KRT80: variants seen among roughly 807,000 people sequenced by gnomAD.
KRT80 encodes the protein keratin 80.
In KRT80, 36 loss-of-function variants were observed where a neutral mutation model predicts 51.5. The ratio of observed to expected loss-of-function variants is 0.70; its 90% CI spans 0.54 to 0.92. The LOEUF (loss-of-function observed/expected upper bound fraction) is 0.92, where lower values mean the gene tolerates loss of function less well. KRT80 is among the 40% of genes least tolerant of loss of function. The pLI is 0.00. For missense variants in KRT80, 566 were observed against 591.7 expected (o/e 0.96, Z 0.45); for synonymous variants, 235 against 248.3 (o/e 0.95, Z 0.50).
intron 3 of KRT80, 101 bp from the exon 4 acceptor site, chr12:52,180,709 C>T (rs1215536786): frequency 6.2e-7 from 1 of 1,602,580 alleles, no homozygotes; most frequent in Non-Finnish European, 8.5e-7. Flanking sequence ...GGGGGTGATT[C>T]CAGAGGAGAT....
At chr12:52,171,619 C>T (rs2120863122) in intron 8 of KRT80, 39 bp downstream of exon 8, 1 of 1,602,358 alleles carries the variant, frequency 6.2e-7, no homozygotes, top group Non-Finnish European at 8.5e-7. Context: ...ACACCCTCAC[C>T]CTCACCCCAC....
chr12:52,173,719 C>A lies in KRT80; in HGVS notation c.712G>T (p.Val238Phe), dbSNP rs35725856. The A allele has an allele frequency of 9.3e-6, 15 of 1,612,312 alleles. No individual in the cohort carries two copies. The South Asian group carries it at 1.1e-4, about 12-fold the overall frequency. ...AAQVKDVSVT[V>F]GMDSRCHIDL... Reference sequence around the variant, plus strand: ...ATGTGGCAGCGGCTGTCCATGCCGACGGTCACCGACACATCCTTCACCTGT... The same window carrying A: ...ATGTGGCAGCGGCTGTCCATGCCGAAGGTCACCGACACATCCTTCACCTGT... Residue 238 changes from valine (V) to phenylalanine (F), a missense_variant, in exon 5 of 9, where the codon GTC (valine) becomes TTC (phenylalanine). Val to Phe is a conservative substitution (Grantham distance 50, BLOSUM62 -1). Transcript: ENST00000394815.
At position 52,169,614 on chromosome 12, in the gene KRT80, G is replaced by A. The variant is rs1005419262; in HGVS notation, c.*1784C>T. On this transcript the variant is annotated 3_prime_UTR_variant, in exon 9 of 9. Transcript: ENST00000394815. ...GATAGCCAATCAGGTGAGGTGGCTG[G>A]AGTATGTGTTATCTTTCCAGATAGT... The A allele has an allele frequency of 1.3e-5, 2 of 152,658 alleles. No individual in the cohort carries two copies. Among genetic ancestry groups the A allele is most frequent in the African/African-American group, 4.8e-5 (2 of 41,446 alleles). 9.5% of individuals were successfully genotyped at this position (152,658 alleles called of 1,614,324 possible). A position where few individuals can be genotyped will look rare whatever the true frequency, so the allele number is the denominator to read the frequency against.
At position 52,174,737 on chromosome 12, in the gene KRT80, A is replaced by T. The variant is rs539413737; in HGVS notation, c.667-973T>A. On this transcript the variant is annotated intron_variant, in intron 4 of 8. Transcript: ENST00000394815. The stretch of plus-strand genomic sequence containing the variant: ...TGTGACGCTCCCTTAGCGGATGGAG[A>T]CAAGGGGCTGACACCTTCTTCATTG... Among the ~76,000 whole-genome samples, 4 of 152,302 alleles carry T rather than the reference A, an allele frequency of 2.6e-5. No homozygotes were observed. The South Asian group carries it at 8.3e-4, about 32-fold the overall frequency.
intron 1 of KRT80, among the ~76,000 whole-genome samples, chr12:52,186,079 G>C (rs1941400044): frequency 6.6e-6 from 1 of 152,088 alleles, no homozygotes; most frequent in African/African-American, 2.4e-5. Flanking sequence ...CTGAACCTCA[G>C]TTTCCCCAGC....
chr12:52,186,749 G>A (rs1454498271), intron 1 of KRT80, among the ~76,000 whole-genome samples: 2 of 152,128 alleles, frequency 1.3e-5, no homozygotes, highest in Admixed American at 1.3e-4. Flanking sequence ...GTGAAACCCT[G>A]GGAGGGCTCT....
rs1181163588 is a variant in KRT80, at chr12:52,169,290, T to C, written c.*2108A>G. 6.6e-6 allele frequency: 1 copy of C among 152,204 alleles called. No homozygotes were observed. Among genetic ancestry groups the C allele is most frequent in the Non-Finnish European group, 1.5e-5 (1 of 68,036 alleles). The allele number at this position is 152,204 out of a possible 1,614,324, so 9.4% of individuals were successfully genotyped here. A position where few individuals can be genotyped will look rare whatever the true frequency, so the allele number is the denominator to read the frequency against. On this transcript the variant is annotated 3_prime_UTR_variant, in exon 9 of 9. Coordinates refer to ENST00000394815, the MANE Select transcript of KRT80 (RefSeq NM_182507.3). ...CCAAATACTTCCCACCAGGCTCCAC[T>C]TCCAACACTGGGAATTACATTTCAA...
intron 2 of KRT80, among the ~76,000 whole-genome samples, chr12:52,183,980 G>T (rs746077276): frequency 9.2e-5 from 14 of 152,192 alleles, no homozygotes; most frequent in Non-Finnish European, 2.1e-4. Context: ...GCCCGGTCAT[G>T]GTCAGGTACT....
chr12:52,177,175 C>A (rs952382504), intron 4 of KRT80, among the ~76,000 whole-genome samples: 6 of 152,190 alleles, frequency 3.9e-5, no homozygotes, highest in Admixed American at 2.0e-4. Flanking sequence ...AAACACTTAG[C>A]ACAGTGTCTG....
chr12:52,169,024 G>T lies in KRT80; in HGVS notation c.*2374C>A. ...TTTATAAAGAAAAGACATTTATTTT[G>T]GCTCACAATTCTGCAGGCTGTACTG... On this transcript the variant is annotated 3_prime_UTR_variant, in exon 9 of 9. Coordinates refer to ENST00000394815, the MANE Select transcript of KRT80 (RefSeq NM_182507.3). 1 of 152,326 alleles carries T rather than the reference G, an allele frequency of 6.6e-6. No homozygotes were observed. Among genetic ancestry groups the T allele is most frequent in the Non-Finnish European group, 1.5e-5 (1 of 68,092 alleles). The allele number at this position is 152,326 out of a possible 1,614,324, so 9.4% of individuals were successfully genotyped here.
chr12:52,187,363 C>A (rs1941422289), intron 1 of KRT80, among the ~76,000 whole-genome samples: 1 of 152,184 alleles, frequency 6.6e-6, no homozygotes, highest in South Asian at 2.1e-4. Flanking sequence ...GCAATGGAGG[C>A]CAGGGGTGTC....
At chr12:52,176,025 T>G (rs532963558) in intron 4 of KRT80, among the ~76,000 whole-genome samples, 29 of 152,290 alleles carry the variant, frequency 1.9e-4, no homozygotes, top group South Asian at 4.1e-4. Context: ...TTGGCATTCG[T>G]TATGGCCCCA....
chr12:52,183,738 C>T (rs1022756247), intron 2 of KRT80, among the ~76,000 whole-genome samples: 3 of 152,206 alleles, frequency 2.0e-5, no homozygotes, highest in Admixed American at 2.0e-4. Flanking sequence ...CGTGATCTGG[C>T]GGAGCTCGTG....
At position 52,173,052 on chromosome 12, in the gene KRT80, A is replaced by G; in HGVS notation, c.943T>C (p.Ser315Pro). 6.2e-7 allele frequency: 1 copy of G among 1,611,316 alleles called. No individual in the cohort carries two copies. Among genetic ancestry groups the G allele is most frequent in the Non-Finnish European group, 8.5e-7 (1 of 1,178,112 alleles). The stretch of plus-strand genomic sequence containing the variant: ...CAGATACTCACATGGCTCTTGACAG[A>G]GAGGATCTGGGACCGCAGCTTCTGG... The part of the protein sequence containing the change: ...RIQKLRSQIL[S>P]VKSHCLKLEE... Residue 315 changes from serine (S) to proline (P), a missense_variant, in exon 6 of 9, where the codon TCT becomes CCT. Ser to Pro is a moderately conservative substitution (Grantham distance 74). Coordinates refer to ENST00000394815, the MANE Select transcript of KRT80 (RefSeq NM_182507.3).
intron 1 of KRT80, among the ~76,000 whole-genome samples, chr12:52,189,867 G>A (rs1019734585): frequency 6.6e-6 from 1 of 152,244 alleles, no homozygotes; most frequent in Non-Finnish European, 1.5e-5. Context: ...CCTCTTCCCT[G>A]TGCTTATATC....
chr12:52,172,186 C>T lies in KRT80; in HGVS notation c.1178+12G>A, dbSNP rs1350526819. On this transcript the variant is annotated intron_variant, in intron 7 of 8. Coordinates refer to ENST00000394815, the MANE Select transcript of KRT80 (RefSeq NM_182507.3). ...TCCCCTGCAGCCCTTCCTCACCAGC[C>T]CTGGCTCTCACCTGCCCTCCTCGCC... The T allele has an allele frequency of 8.1e-6, 13 of 1,612,738 alleles. No homozygotes were observed. The highest frequency in any genetic ancestry group is 1.1e-5 in the South Asian group (1 of 90,996).
At chr12:52,181,495 G>T (rs1941319936) in intron 2 of KRT80, among the ~76,000 whole-genome samples, 2 of 152,144 alleles carry the variant, frequency 1.3e-5, no homozygotes, top group Non-Finnish European at 2.9e-5. Context: ...GAACTTTGCT[G>T]TCAGAGGGAC....
chr12:52,191,955 G>T lies in KRT80; in HGVS notation c.-53C>A. ...CCAGGGGGGTGAGCGAGTGAGCCTG[G>T]GGTTGCGTCGGGTGGCAGGCTCTGG... On this transcript the variant is annotated 5_prime_UTR_variant, in exon 1 of 9. Transcript: ENST00000394815. 2 of 1,404,420 alleles carry T rather than the reference G, an allele frequency of 1.4e-6. No homozygotes were observed. The highest frequency in any genetic ancestry group is 1.9e-6 in the Non-Finnish European group (2 of 1,071,100). The allele number at this position is 1,404,420 out of a possible 1,614,324, so 87.0% of individuals were successfully genotyped here.
chr12:52,185,282 A>G, intron 2 of KRT80, 97 bp downstream of exon 2: 1 of 1,194,042 alleles, frequency 8.4e-7, no homozygotes, highest in South Asian at 1.4e-5. Context: ...GTTGCAGAAC[A>G]TCTTTCCTCT....
Sources: allele counts gnomAD v4.1 joint callset (sites outside exome capture counted in the v4.1 genomes callset), GRCh38; gene constraint gnomAD v4.1.1; transcripts MANE v1.5; gene names NCBI Gene and HGNC (gene_info 2026-07-23, HGNC 2026-07-21).